XIRP2: variants seen among roughly 807,000 people sequenced by gnomAD.
The protein encoded by XIRP2 is xin actin binding repeat containing 2, also known as xin actin-binding repeat-containing protein 2.
In XIRP2, 236 loss-of-function variants were observed where a neutral mutation model predicts 277.0. The ratio of observed to expected loss-of-function variants is 0.85; its 90% confidence interval spans 0.77 to 0.95. The LOEUF (loss-of-function observed/expected upper bound fraction) is 0.95. XIRP2 is among the 40% of genes least tolerant of loss of function. XIRP2 has a pLI of 0.00. For missense variants in XIRP2, 4,640 were observed against 4,157.5 expected (o/e 1.12, Z -3.19); for synonymous variants, 1,490 against 1,416.5 (o/e 1.05, Z -1.17).
intron 3 of XIRP2, among the ~76,000 whole-genome samples, chr2:167,169,602 A>G (rs1051147674): frequency 6.6e-6 from 1 of 152,202 alleles, no homozygotes; most frequent in Non-Finnish European, 1.5e-5. Flanking sequence ...TGACTTCTCA[A>G]GACTGAGTGA....
chr2:167,221,342 T>C (rs1004221283), intron 5 of XIRP2, among the ~76,000 whole-genome samples: 1 of 151,218 alleles, frequency 6.6e-6, no homozygotes, highest in Middle Eastern at 3.2e-3. Context: ...CGTATGCCTG[T>C]AATCCCAGCT....
In XIRP2 at chr2:167,244,005, T is replaced by A; in HGVS notation, c.2613T>A (p.Asp871Glu). 1 of 1,614,052 alleles carries A rather than the reference T, an allele frequency of 6.2e-7. No homozygotes were observed. The highest frequency in any genetic ancestry group is 8.5e-7 in the Non-Finnish European group (1 of 1,179,962). ...SLQREEIIGG[D>E]VQTTKHLFET... Reference sequence around the variant, plus strand: ...AACGTGAGGAGATAATAGGTGGTGATGTACAAACTACTAAGCATCTATTTG... The same window carrying A: ...AACGTGAGGAGATAATAGGTGGTGAAGTACAAACTACTAAGCATCTATTTG... Residue 871 changes from aspartate to glutamate, a missense_variant, in exon 9 of 11, where the codon GAT (aspartate) becomes GAA (glutamate). By Grantham distance (45) the Asp-to-Glu change is conservative. Transcript: ENST00000409195.
chr2:167,011,193 A>C (rs1471331721), intron 2 of XIRP2, among the ~76,000 whole-genome samples: 1 of 150,880 alleles, frequency 6.6e-6, no homozygotes, highest in Non-Finnish European at 1.5e-5. Flanking sequence ...ATTCAGTATG[A>C]TATTGGCTGT....
chr2:167,257,816 A>C (rs1005593499), intron 10 of XIRP2, 41 bp from the exon 11 acceptor site: 9 of 1,537,130 alleles, frequency 5.9e-6, no homozygotes, highest in Non-Finnish European at 7.9e-6. Context: ...ATGAACTTAC[A>C]GTAAATACGA....
In XIRP2 at chr2:167,258,114, G is replaced by A; in HGVS notation, c.*297G>A. The A allele has an allele frequency of 6.2e-7, 1 of 1,613,146 alleles. No individual in the cohort carries two copies. The highest frequency in any genetic ancestry group is 1.1e-5 in the South Asian group (1 of 91,056). On this transcript the variant is annotated 3_prime_UTR_variant, in exon 11 of 11. Transcript: ENST00000409195. Reference sequence around the variant, plus strand: ...GATGCTGGTAACAGTGAAGGGCAAAGGAATGATTTGAGAAAATTAGGGGAA... The same window carrying A: ...GATGCTGGTAACAGTGAAGGGCAAAAGAATGATTTGAGAAAATTAGGGGAA...
chr2:167,118,042 C>T (rs1690943400), intron 2 of XIRP2, among the ~76,000 whole-genome samples: 1 of 152,116 alleles, frequency 6.6e-6, no homozygotes, highest in Non-Finnish European at 1.5e-5. Context: ...CTTTGGCATA[C>T]ATATTTGGAA....
intron 2 of XIRP2, among the ~76,000 whole-genome samples, chr2:166,986,558 C>A (rs1265451052): frequency 7.2e-5 from 11 of 152,208 alleles, no homozygotes; most frequent in Non-Finnish European, 1.3e-4. Context: ...CAGTTATTAT[C>A]TGCCTTTAGC....
intron 2 of XIRP2, among the ~76,000 whole-genome samples, chr2:167,009,355 C>G (rs1306202171): frequency 2.0e-5 from 3 of 151,576 alleles, no homozygotes; most frequent in South Asian, 2.1e-4. Context: ...GAGAATGATG[C>G]TTTCCAATTT....
chr2:167,107,557 G>GTTATA (rs1489622987), intron 2 of XIRP2, among the ~76,000 whole-genome samples: 1 of 151,414 alleles, frequency 6.6e-6, no homozygotes, highest in East Asian at 1.9e-4. Context: ...GTCTTAATCA[G>GTTATA]TTATAGTATA....
intron 2 of XIRP2, among the ~76,000 whole-genome samples, chr2:166,922,592 G>A (rs1012435243): frequency 1.3e-5 from 2 of 151,864 alleles, no homozygotes; most frequent in Admixed American, 6.6e-5. Flanking sequence ...AACATAAGAG[G>A]TAATAAACTC....
intron 3 of XIRP2, among the ~76,000 whole-genome samples, chr2:167,142,537 G>C (rs192615110): frequency 6.6e-6 from 1 of 151,464 alleles, no homozygotes; most frequent in Non-Finnish European, 1.5e-5. Flanking sequence ...ACAGAGCAAG[G>C]CTCCATCACA....
At chr2:167,061,448 T>C (rs1689172096) in intron 2 of XIRP2, among the ~76,000 whole-genome samples, 1 of 152,136 alleles carries the variant, frequency 6.6e-6, no homozygotes, top group South Asian at 2.1e-4. Context: ...AGAGAAAGCA[T>C]TTGATCTTTT....
chr2:166,940,443 A>G (rs1158669016), intron 2 of XIRP2, among the ~76,000 whole-genome samples: 1 of 151,998 alleles, frequency 6.6e-6, no homozygotes, highest in Non-Finnish European at 1.5e-5. Context: ...TCTTCTCTCA[A>G]CTCTTCAAAG....
intron 2 of XIRP2, among the ~76,000 whole-genome samples, chr2:166,975,512 T>G (rs1196253023): frequency 6.6e-6 from 1 of 151,350 alleles, no homozygotes; most frequent in African/African-American, 2.4e-5. Context: ...GAAAAGAAAT[T>G]AGAACTTTTG....
chr2:166,939,693 AAAAAACAAAAAAC>A (rs1305818949), intron 2 of XIRP2, among the ~76,000 whole-genome samples: 34 of 133,444 alleles, frequency 2.5e-4, no homozygotes, highest in African/African-American at 7.1e-4. Flanking sequence ...AAAAAAAAAA[AAAAAACAAAAAAC>A]AAAAACAAAA....
At chr2:167,151,477 G>T (rs1039484985) in intron 3 of XIRP2, among the ~76,000 whole-genome samples, 1 of 152,052 alleles carries the variant, frequency 6.6e-6, no homozygotes, top group Non-Finnish European at 1.5e-5. Flanking sequence ...AAATAAAGAT[G>T]ATAGGAAAAC....
chr2:167,060,272 AAAG>A (rs1206688932), intron 2 of XIRP2, among the ~76,000 whole-genome samples: 3 of 152,264 alleles, frequency 2.0e-5, no homozygotes, highest in African/African-American at 7.2e-5. Flanking sequence ...TATAAAGAAA[AAAG>A]AAGCAAAAGC....
intron 3 of XIRP2, among the ~76,000 whole-genome samples, chr2:167,156,802 G>A (rs1459443954): frequency 6.6e-6 from 1 of 152,112 alleles, no homozygotes; most frequent in Admixed American, 6.6e-5. Context: ...AGTATGAGAA[G>A]CTGACCTATC....
In XIRP2 at chr2:167,245,376, A is replaced by G. The variant is rs550167430; in HGVS notation, c.3984A>G (p.Glu1328=). The G allele has an allele frequency of 6.2e-7, 1 of 1,613,750 alleles. No individual in the cohort carries two copies. The highest frequency in any genetic ancestry group is 8.5e-7 in the Non-Finnish European group (1 of 1,179,722). Residue 1328 remains glutamate, a synonymous_variant, in exon 9 of 11, where the codon GAA becomes GAG. Coordinates refer to ENST00000409195, the MANE Select transcript of XIRP2 (RefSeq NM_152381.6). The part of the protein sequence containing the change: ...TQPLYAIQDR[E]GSYHEVTTVK... ...CACTCTATGCAATTCAAGACCGAGA[A>G]GGGTCCTATCATGAAGTGACCACAG...
Sources: allele counts gnomAD v4.1 joint callset (sites outside exome capture counted in the v4.1 genomes callset), GRCh38; gene constraint gnomAD v4.1.1; transcripts MANE v1.5; gene names NCBI Gene and HGNC (gene_info 2026-07-23, HGNC 2026-07-21).